Variants in DPP8 observed in about 807,000 individuals in gnomAD.
DPP8 encodes the protein dipeptidyl peptidase 8.
DPP8 carries 31 observed loss-of-function variants against 107.5 expected under a neutral mutation model. The observed-to-expected ratio is 0.29, with a 90% CI of 0.22 to 0.39. DPP8 has a LOEUF of 0.39. Ranked by LOEUF, DPP8 falls within the 10% of genes least tolerant of loss-of-function variation. The pLI, the probability that DPP8 is intolerant of heterozygous loss-of-function variation, is 1.00. For synonymous variants in DPP8, 381 were observed against 356.6 expected (o/e 1.07, Z -0.77); for missense variants, 842 against 1,076.1 (o/e 0.78, Z 3.04).
intron 18 of DPP8, among the ~76,000 whole-genome samples, chr15:65,451,637 G>C (rs568518264): frequency 1.8e-4 from 27 of 152,008 alleles, no homozygotes; most frequent in Non-Finnish European, 2.9e-4. Context: ...TTTAAAGCTT[G>C]AATTAGGCTG....
chr15:65,479,334 G>A (rs1232169044), intron 10 of DPP8, among the ~76,000 whole-genome samples: 3 of 152,004 alleles, frequency 2.0e-5, no homozygotes, highest in African/African-American at 7.3e-5. Flanking sequence ...CATGGCACAA[G>A]GTTTGTTTAA....
intron 10 of DPP8, among the ~76,000 whole-genome samples, 188 bp downstream of exon 10, chr15:65,480,034 A>G (rs987308968): frequency 6.6e-6 from 1 of 152,110 alleles, no homozygotes; most frequent in Non-Finnish European, 1.5e-5. Context: ...TTTCAATGGC[A>G]TCTACTTTCT....
chr15:65,496,727 T>C (rs947337839), intron 5 of DPP8, among the ~76,000 whole-genome samples: 1 of 152,040 alleles, frequency 6.6e-6, no homozygotes, highest in Admixed American at 6.6e-5. Flanking sequence ...CACGTTTCAC[T>C]TTAGCCTCGA....
At position 65,454,256 on chromosome 15, in the gene DPP8, C is replaced by A; in HGVS notation, c.2271+7G>T. Reference sequence around the variant, plus strand: ...TGCAAAAATGAGTATAATAGGAAGTCACATACCCTGAAGATATCTGACCTC... The same window carrying A: ...TGCAAAAATGAGTATAATAGGAAGTAACATACCCTGAAGATATCTGACCTC... On this transcript the variant is annotated splice_region_variant and intron_variant, in intron 17 of 19. Transcript: ENST00000300141. 1 of 1,505,462 alleles carries A rather than the reference C, an allele frequency of 6.6e-7. No individual in the cohort carries two copies. Among genetic ancestry groups the A allele is most frequent in the South Asian group, 1.4e-5 (1 of 72,312 alleles). 93.3% of individuals were successfully genotyped at this position (1,505,462 alleles called of 1,614,324 possible).
chr15:65,492,328 T>G (rs2068119495), intron 5 of DPP8, among the ~76,000 whole-genome samples: 1 of 151,636 alleles, frequency 6.6e-6, no homozygotes, highest in Non-Finnish European at 1.5e-5. Flanking sequence ...GGTGACAGAG[T>G]GAGACCATGT....
chr15:65,470,858 G>A (rs1473474786), intron 12 of DPP8, among the ~76,000 whole-genome samples: 1 of 150,746 alleles, frequency 6.6e-6, no homozygotes, highest in Non-Finnish European at 1.5e-5. Context: ...GGCGGAAGTT[G>A]CAGTAAGCTG....
intron 13 of DPP8, 43 bp downstream of exon 13, chr15:65,467,028 A>T: frequency 6.2e-7 from 1 of 1,604,926 alleles, no homozygotes; most frequent in Non-Finnish European, 8.5e-7. Context: ...ATAAGCAGAG[A>T]GTTTTAATAT....
At chr15:65,465,335 T>C (rs2065255298) in intron 14 of DPP8, among the ~76,000 whole-genome samples, 2 of 150,756 alleles carry the variant, frequency 1.3e-5, no homozygotes, top group African/African-American at 2.4e-5. Flanking sequence ...GTCTGGCTAG[T>C]TTTTGTATTT....
rs1457324596 is a variant in DPP8, at chr15:65,463,783, A to G, written c.1949T>C (p.Leu650Pro). 6.2e-7 allele frequency: 1 copy of G among 1,613,282 alleles called. No homozygotes were observed. The highest frequency in any genetic ancestry group is 1.1e-5 in the South Asian group (1 of 91,068). Residue 650 changes from leucine to proline, a missense_variant, in exon 15 of 20, where the codon CTG becomes CCG. Physicochemically the swap from Leu to Pro is moderately conservative, Grantham distance 98. Around this residue, in one of 2 missense-constraint regions of DPP8, gnomAD observed 179 missense variants for 318.0 expected, o/e 0.56. Transcript: ENST00000300141. Reference sequence around the variant, plus strand: ...CACCTGAGGACCACCATATATGAACAGCACAGTAGGATATTTCTTTCCAGG... The same window carrying G: ...CACCTGAGGACCACCATATATGAACGGCACAGTAGGATATTTCTTTCCAGG... ...LQPGKKYPTV[L>P]FIYGGPQVQL...
chr15:65,484,307 C>T (rs2067200382), intron 8 of DPP8, among the ~76,000 whole-genome samples: 1 of 146,678 alleles, frequency 6.8e-6, no homozygotes, highest in African/African-American at 2.6e-5. Flanking sequence ...GCCCGGGTGA[C>T]AGTGCAAGAC....
chr15:65,466,533 G>C, intron 14 of DPP8, 145 bp downstream of exon 14: 1 of 690,282 alleles, frequency 1.4e-6, no homozygotes, highest in Non-Finnish European at 2.5e-6. Context: ...GGAGAAGAGG[G>C]ATCTATCAGG....
rs2063501710 is a variant in DPP8 at position 65,446,496 on chromosome 15, A to G, written c.*388T>C. 6.5e-6 allele frequency: 1 copy of G among 153,030 alleles called. No homozygotes were observed. The highest frequency in any genetic ancestry group is 2.1e-4 in the South Asian group (1 of 4,834). The allele number at this position is 153,030 out of a possible 1,614,324, so 9.5% of individuals were successfully genotyped here. A position where few individuals can be genotyped will look rare whatever the true frequency, so the allele number is the denominator to read the frequency against. Reference sequence around the variant, plus strand: ...CTGGAACTGAACCAAACCAATCACTAATATCATCATATTTTAACAAACTCA... The same window carrying G: ...CTGGAACTGAACCAAACCAATCACTGATATCATCATATTTTAACAAACTCA... On this transcript the variant is annotated 3_prime_UTR_variant, in exon 20 of 20. Coordinates refer to ENST00000300141, the MANE Select transcript of DPP8 (RefSeq NM_130434.5).
At chr15:65,498,407 G>A (rs1437910159) in intron 4 of DPP8, among the ~76,000 whole-genome samples, 1 of 151,080 alleles carries the variant, frequency 6.6e-6, no homozygotes, top group African/African-American at 2.4e-5. Flanking sequence ...GGGTGACAAA[G>A]TGAGACTCAG....
intron 7 of DPP8, among the ~76,000 whole-genome samples, chr15:65,486,093 C>CAA (rs1210589966): frequency 7.7e-5 from 7 of 91,486 alleles, no homozygotes; most frequent in African/African-American, 1.6e-4. Context: ...GACTCTGTCT[C>CAA]AAAAAAAAAA....
chr15:65,499,070 AGTGTGTGT>A (rs56047613), intron 4 of DPP8, among the ~76,000 whole-genome samples: 227 of 129,760 alleles, frequency 1.7e-3, no homozygotes, highest in African/African-American at 5.9e-3. Flanking sequence ...CCAAAAAAAA[AGTGTGTGT>A]GTGTGTGTGT....
At chr15:65,451,195 A>G in intron 18 of DPP8, 85 bp from the exon 19 acceptor site, 1 of 786,258 alleles carries the variant, frequency 1.3e-6, no homozygotes. Flanking sequence ...ATACTTAACC[A>G]TATTAACTTC....
At chr15:65,450,947 A>T in intron 19 of DPP8, 52 bp downstream of exon 19, 1 of 1,124,308 alleles carries the variant, frequency 8.9e-7, no homozygotes, top group Non-Finnish European at 1.3e-6. Flanking sequence ...ATTTCAAAGT[A>T]ATCAATCACT....
chr15:65,481,923 A>T (rs968053371), intron 8 of DPP8, among the ~76,000 whole-genome samples: 1 of 152,016 alleles, frequency 6.6e-6, no homozygotes, highest in Non-Finnish European at 1.5e-5. Context: ...AGACTCCAGT[A>T]TCCAGAAAAA....
chr15:65,483,103 AT>A (rs1228000693), intron 8 of DPP8, among the ~76,000 whole-genome samples: 1 of 152,112 alleles, frequency 6.6e-6, no homozygotes, highest in East Asian at 1.9e-4. Flanking sequence ...TCTCAAAAAA[AT>A]AAATAAATAA....
Sources: gnomAD v4.1 joint callset for allele counts (sites outside exome capture counted in the v4.1 genomes callset) on GRCh38, gnomAD v4.1.1 for gene constraint, gnomAD v4.1.1 regional missense constraint, MANE v1.5 for transcripts, NCBI Gene and HGNC (gene_info 2026-07-23, HGNC 2026-07-21) for gene names.